CCDC170: variants seen among roughly 807,000 people sequenced by gnomAD.
CCDC170 encodes the protein coiled-coil domain-containing protein 170.
In CCDC170, 69 loss-of-function variants were observed where a neutral mutation model predicts 72.6. That is an observed-to-expected ratio of 0.95 (90% CI 0.78 to 1.16). The LOEUF is 1.16. Ranked by LOEUF, CCDC170 falls within the 50% of genes most tolerant of loss-of-function variation. The pLI is 0.00. For synonymous variants in CCDC170, 300 were observed against 303.9 expected (o/e 0.99, Z 0.13); for missense variants, 852 against 832.5 (o/e 1.02, Z -0.29).
intron 4 of CCDC170, among the ~76,000 whole-genome samples, chr6:151,545,122 A>G (rs988786640): frequency 2.6e-5 from 4 of 152,156 alleles, no homozygotes; most frequent in African/African-American, 9.7e-5. Context: ...AAAAATTTAC[A>G]TTAAAACCAA....
intron 1 of CCDC170, among the ~76,000 whole-genome samples, chr6:151,529,012 G>A (rs533652915): frequency 7.9e-5 from 12 of 151,948 alleles, no homozygotes; most frequent in Non-Finnish European, 1.0e-4. Flanking sequence ...AAACCACTGC[G>A]CCTCTCACCA....
At chr6:151,562,533 A>G (rs1023769717) in intron 5 of CCDC170, among the ~76,000 whole-genome samples, 1 of 152,174 alleles carries the variant, frequency 6.6e-6, no homozygotes, top group African/African-American at 2.4e-5. Flanking sequence ...TTATCAGACC[A>G]TGCTTGTTGA....
Position 151,593,286 on chromosome 6 carries a change from A to G in CCDC170, c.1467+6A>G, listed in dbSNP as rs9383930. 0.33 allele frequency: 533,242 copies of G among 1,610,682 alleles called. 104,958 individuals are homozygous for G. The highest frequency in any genetic ancestry group is 0.8 in the East Asian group (35,844 of 44,768). The stretch of plus-strand genomic sequence containing the variant: ...CCCACAATTTGCAGAGAAAGGTAGG[A>G]GATATTGAAACTTGCTAGTATTGAG... On this transcript the variant is annotated splice_donor_region_variant and intron_variant, in intron 8 of 10. Coordinates refer to ENST00000239374, the MANE Select transcript of CCDC170 (RefSeq NM_025059.4).
intron 5 of CCDC170, among the ~76,000 whole-genome samples, chr6:151,568,289 G>A (rs1201536335): frequency 2.0e-5 from 3 of 152,102 alleles, no homozygotes; most frequent in Admixed American, 2.0e-4. Context: ...TCCAAGGAGG[G>A]TTTTGTCTGT....
intron 4 of CCDC170, among the ~76,000 whole-genome samples, chr6:151,547,597 C>G (rs763463397): frequency 6.6e-6 from 1 of 152,128 alleles, no homozygotes; most frequent in Non-Finnish European, 1.5e-5. Flanking sequence ...TATATCACTT[C>G]CACGGAGAGT....
chr6:151,577,450 T>C (rs1198626397), intron 6 of CCDC170, among the ~76,000 whole-genome samples: 1 of 152,280 alleles, frequency 6.6e-6, no homozygotes, highest in East Asian at 1.9e-4. Context: ...AAATAATGAC[T>C]TCTTGCACAA....
intron 5 of CCDC170, among the ~76,000 whole-genome samples, chr6:151,564,471 G>T (rs1405549203): frequency 6.6e-6 from 1 of 152,160 alleles, no homozygotes; most frequent in Admixed American, 6.6e-5. Flanking sequence ...GTCTAGGTGG[G>T]TCTATACTGG....
chr6:151,605,868 G>A (rs995302242), intron 9 of CCDC170, among the ~76,000 whole-genome samples: 1 of 151,322 alleles, frequency 6.6e-6, no homozygotes, highest in Admixed American at 6.6e-5. Flanking sequence ...TGGGGTTCCG[G>A]GGGACAGTGC....
chr6:151,558,164 C>G (rs1562281924), intron 5 of CCDC170, among the ~76,000 whole-genome samples: 1 of 150,508 alleles, frequency 6.6e-6, no homozygotes, highest in Non-Finnish European at 1.5e-5. Context: ...TATTCATGTC[C>G]TATTCATGTC....
chr6:151,608,355 C>T (rs1482313105), intron 9 of CCDC170, among the ~76,000 whole-genome samples: 1 of 152,074 alleles, frequency 6.6e-6, no homozygotes, highest in East Asian at 1.9e-4. Flanking sequence ...TATTGTGTTC[C>T]TGTGGAGGTG....
At chr6:151,521,792 G>T (rs1782320264) in intron 1 of CCDC170, among the ~76,000 whole-genome samples, 1 of 151,952 alleles carries the variant, frequency 6.6e-6, no homozygotes, top group African/African-American at 2.4e-5. Context: ...GACCATCCTG[G>T]CCAACATTGT....
chr6:151,550,337 G>A (rs1782858534), intron 5 of CCDC170, among the ~76,000 whole-genome samples: 1 of 152,216 alleles, frequency 6.6e-6, no homozygotes, highest in Non-Finnish European at 1.5e-5. Flanking sequence ...AGGGCTAGTG[G>A]TGGCCCACAG....
At chr6:151,575,897 T>A (rs993421441) in intron 6 of CCDC170, among the ~76,000 whole-genome samples, 14 of 152,128 alleles carry the variant, frequency 9.2e-5, no homozygotes, top group African/African-American at 2.2e-4. Flanking sequence ...TCCACTCTAA[T>A]GTGTAGAGGT....
intron 9 of CCDC170, among the ~76,000 whole-genome samples, chr6:151,602,252 G>A (rs1562296799): frequency 6.6e-6 from 1 of 151,998 alleles, no homozygotes; most frequent in Non-Finnish European, 1.5e-5. Flanking sequence ...CTTTTTGCAA[G>A]TAAAATGTTT....
At chr6:151,523,767 C>T (rs1029908832) in intron 1 of CCDC170, among the ~76,000 whole-genome samples, 17 of 151,926 alleles carry the variant, frequency 1.1e-4, no homozygotes, top group Admixed American at 9.8e-4. Flanking sequence ...ATTTATATTC[C>T]GTTTATTTTA....
chr6:151,528,881 A>T (rs561172955), intron 1 of CCDC170, among the ~76,000 whole-genome samples: 104 of 152,098 alleles, frequency 6.8e-4, no homozygotes, highest in African/African-American at 2.3e-3. Flanking sequence ...TAAAGAAAAA[A>T]AAAGTCTACC....
rs1314784034 is a variant in CCDC170 at position 151,536,433 on chromosome 6, G to A, written c.173G>A (p.Cys58Tyr). ...ELAATLVKFE[C>Y]AQSELQDLRS... ...GCAGCAACTTTGGTCAAATTTGAAT[G>A]TGCTCAGTCTGAGGTAAGATAATGC... The change falls in exon 2 of 11, where the codon TGT becomes TAT. Residue 58 changes from cysteine to tyrosine, a missense_variant. Cys to Tyr is a radical substitution (Grantham distance 194, BLOSUM62 -2). Transcript: ENST00000239374. The A allele has an allele frequency of 4.3e-6, 7 of 1,613,972 alleles. No individual in the cohort carries two copies. The highest frequency in any genetic ancestry group is 1.1e-5 in the South Asian group (1 of 91,080).
At chr6:151,546,156 A>G (rs895381428) in intron 4 of CCDC170, among the ~76,000 whole-genome samples, 3 of 152,170 alleles carry the variant, frequency 2.0e-5, no homozygotes, top group Non-Finnish European at 4.4e-5. Context: ...GAAAGCCGCA[A>G]GATGACTTCA....
intron 5 of CCDC170, among the ~76,000 whole-genome samples, chr6:151,569,646 G>A (rs760667603): frequency 1.4e-4 from 22 of 152,230 alleles, no homozygotes; most frequent in African/African-American, 4.1e-4. Flanking sequence ...ATTTTATGCC[G>A]CTTGCTTCGG....
Sources: allele counts gnomAD v4.1 joint callset (sites outside exome capture counted in the v4.1 genomes callset), GRCh38; gene constraint gnomAD v4.1.1; transcripts MANE v1.5; gene names NCBI Gene and HGNC (gene_info 2026-07-23, HGNC 2026-07-21).